Variants in ZNF678 observed in about 807,000 individuals in gnomAD.
ZNF678 encodes the protein hypothetical protein MGC42493.
ZNF678 carries 5 observed loss-of-function variants against 3.0 expected under a neutral mutation model. That is an observed-to-expected ratio of 1.69 (90% CI 0.88 to 3.56). ZNF678 has a LOEUF of 3.56. Ranked by LOEUF, ZNF678 falls within the 30% of genes most tolerant of loss-of-function variation. The pLI, the probability that ZNF678 is intolerant of heterozygous loss-of-function variation, is 0.00. For missense variants in ZNF678, 593 were observed against 605.0 expected, an observed-to-expected ratio of 0.98 and a Z score of 0.21; for synonymous variants, 218 against 199.6, an observed-to-expected ratio of 1.09 and a Z score of -0.78.
chr1:227,607,811 T>C (rs1657915112), intron 1 of ZNF678, among the ~76,000 whole-genome samples: 1 of 147,846 alleles, frequency 6.8e-6, no homozygotes, highest in South Asian at 2.1e-4. Flanking sequence ...TATTTAGTTA[T>C]ATATTCAAAT....
At chr1:227,565,051 C>T (rs1263219869) in intron 1 of ZNF678, among the ~76,000 whole-genome samples, 2 of 137,514 alleles carry the variant, frequency 1.5e-5, no homozygotes, top group Admixed American at 7.4e-5. Context: ...TTTCCCTACC[C>T]GGCTTTTTTT....
intron 5 of ZNF678, among the ~76,000 whole-genome samples, chr1:227,674,923 T>C (rs528962270): frequency 1.8e-4 from 27 of 152,354 alleles, no homozygotes; most frequent in Non-Finnish European, 3.7e-4. Flanking sequence ...ATTGAAATTC[T>C]TTTATTGTTT....
At chr1:227,597,173 G>A (rs535864485) in intron 1 of ZNF678, among the ~76,000 whole-genome samples, 1 of 152,326 alleles carries the variant, frequency 6.6e-6, no homozygotes, top group South Asian at 2.1e-4. Flanking sequence ...GAAACAAAGG[G>A]GTGGGCCAAA....
intron 5 of ZNF678, among the ~76,000 whole-genome samples, chr1:227,676,343 G>C (rs1659679347): frequency 6.6e-6 from 1 of 152,138 alleles, no homozygotes; most frequent in South Asian, 2.1e-4. Flanking sequence ...ACTACCAAAT[G>C]TAAGCTCATG....
chr1:227,669,635 C>T (rs1478142043), intron 5 of ZNF678, among the ~76,000 whole-genome samples: 13 of 127,146 alleles, frequency 1.0e-4, no homozygotes, highest in African/African-American at 3.4e-4. Flanking sequence ...GGAGACAGAG[C>T]GAGACCGTCT....
chr1:227,639,550 G>C (rs1658766049), intron 1 of ZNF678, among the ~76,000 whole-genome samples: 2 of 152,154 alleles, frequency 1.3e-5, no homozygotes, highest in Admixed American at 6.5e-5. Context: ...CATGGCTTCA[G>C]TTAAATGAGG....
intron 1 of ZNF678, among the ~76,000 whole-genome samples, chr1:227,571,657 A>C (rs929847463): frequency 2.6e-5 from 4 of 152,268 alleles, no homozygotes; most frequent in Admixed American, 2.6e-4. Context: ...AATACACCGA[A>C]TAATAGTTTG....
intron 1 of ZNF678, among the ~76,000 whole-genome samples, chr1:227,571,268 C>A (rs1452941335): frequency 6.6e-6 from 1 of 152,152 alleles, no homozygotes; most frequent in Non-Finnish European, 1.5e-5. Context: ...AATGCCTGGT[C>A]TTCATAGATG....
chr1:227,631,789 G>A (rs12070002), intron 1 of ZNF678, among the ~76,000 whole-genome samples: 70,983 of 152,104 alleles, frequency 0.47, 17,421 homozygotes, highest in African/African-American at 0.62. Flanking sequence ...GCGCCATGTT[G>A]TCCTTCCAGT....
In ZNF678 at chr1:227,654,787, A is replaced by AC; in HGVS notation, c.540dup (p.Tyr181LeufsTer4). ...ATAAGAAAATTCATACTGGAGAGAA[A>AC]CCCTACAAATGTGATGAATGTGACA... On this transcript the variant is annotated frameshift_variant, in exon 4 of 4. Transcript: ENST00000343776. LOFTEE classifies it low-confidence loss of function (END_TRUNC). The AC allele has an allele frequency of 6.2e-7, 1 of 1,613,300 alleles. No individual in the cohort carries two copies. Among genetic ancestry groups the AC allele is most frequent in the South Asian group, 1.1e-5 (1 of 91,038 alleles).
In ZNF678 at chr1:227,563,708, C is replaced by G; in HGVS notation, c.-180C>G. The G allele has an allele frequency of 7.5e-7, 1 of 1,331,906 alleles. No homozygotes were observed. Among genetic ancestry groups the G allele is most frequent in the Non-Finnish European group, 1.0e-6 (1 of 1,002,752 alleles). 82.5% of individuals were successfully genotyped at this position (1,331,906 alleles called of 1,614,324 possible). A position where few individuals can be genotyped will look rare whatever the true frequency, so the allele number is the denominator to read the frequency against. On this transcript the variant is annotated 5_prime_UTR_variant, in exon 1 of 4. Coordinates refer to ENST00000343776, the MANE Select transcript of ZNF678 (RefSeq NM_001367909.1). ...TACATAGCTAAGATGCCAGGACACC[C>G]CGAAAGCCGGAAAACGGTGAGAGTT...
intron 1 of ZNF678, among the ~76,000 whole-genome samples, chr1:227,565,315 C>T (rs1558125780): frequency 6.6e-6 from 1 of 151,284 alleles, no homozygotes; most frequent in Non-Finnish European, 1.5e-5. Flanking sequence ...CTACCCGCCT[C>T]TCCCTCCCAA....
intron 1 of ZNF678, among the ~76,000 whole-genome samples, chr1:227,584,866 C>T (rs948801244): frequency 6.6e-6 from 1 of 152,178 alleles, no homozygotes; most frequent in Non-Finnish European, 1.5e-5. Flanking sequence ...CCTTATGAAA[C>T]ATTGAGGCTG....
intron 1 of ZNF678, among the ~76,000 whole-genome samples, chr1:227,614,812 T>C (rs1218598039): frequency 1.3e-5 from 2 of 152,202 alleles, no homozygotes; most frequent in African/African-American, 4.8e-5. Flanking sequence ...ACCCTCACAG[T>C]TACCATCTCT....
intron 1 of ZNF678, chr1:227,599,041 C>T: frequency 4.4e-6 from 7 of 1,574,368 alleles, no homozygotes; most frequent in Non-Finnish European, 6.1e-6. Flanking sequence ...CCCAGGTAGG[C>T]CTTGGTCGAT....
rs565053449 is a variant in ZNF678 at position 227,594,196 on chromosome 1, T to C, written c.-164+30472T>C. ...CTTTAGCACCTATTTTTATTAGTTT[T>C]TAAACCAAAGAAAGCCAGATACCAT... On this transcript the variant is annotated intron_variant, in intron 1 of 3. Transcript: ENST00000343776. Among the ~76,000 whole-genome samples, 3 of 152,356 alleles carry C rather than the reference T, an allele frequency of 2.0e-5. No homozygotes were observed. The East Asian group carries it at 5.8e-4, about 29-fold the overall frequency.
rs1656587780 is a variant in ZNF678 at position 227,563,625 on chromosome 1, C to T, written c.-263C>T. ...CTATTTATCCCCAGCTGCGGGAGGC[C>T]CTGGTGACTCTGCTGCTGCAGTGTC... On this transcript the variant is annotated 5_prime_UTR_variant, in exon 1 of 4. Transcript: ENST00000343776. 8.0e-7 allele frequency: 1 copy of T among 1,243,882 alleles called. No individual in the cohort carries two copies. The highest frequency in any genetic ancestry group is 1.1e-6 in the Non-Finnish European group (1 of 931,708). 77.1% of individuals were successfully genotyped at this position (1,243,882 alleles called of 1,614,324 possible).
intron 1 of ZNF678, among the ~76,000 whole-genome samples, chr1:227,597,364 G>A (rs1558137877): frequency 6.6e-6 from 1 of 152,216 alleles, no homozygotes; most frequent in Non-Finnish European, 1.5e-5. Flanking sequence ...TAGCCATCAC[G>A]AACGTGTCAC....
downstream of ZNF678, among the ~76,000 whole-genome samples, chr1:227,679,525 C>A (rs1659733026): frequency 6.6e-6 from 1 of 150,826 alleles, no homozygotes; most frequent in Non-Finnish European, 1.5e-5. Context: ...CCCCTGCTTG[C>A]TCAATTGATC....
Sources: gnomAD v4.1 joint callset for allele counts (sites outside exome capture counted in the v4.1 genomes callset) on GRCh38, gnomAD v4.1.1 for gene constraint, MANE v1.5 for transcripts, NCBI Gene and HGNC (gene_info 2026-07-23, HGNC 2026-07-21) for gene names.